Variants in IFI16 observed in about 807,000 individuals in gnomAD.
The protein encoded by IFI16 is interferon gamma inducible protein 16.
Under a neutral mutation model 68.4 loss-of-function variants are expected in IFI16, and 49 were observed. The ratio of observed to expected loss-of-function variants is 0.72; its 90% CI spans 0.57 to 0.91. The LOEUF is 0.91. Ranked by LOEUF, IFI16 falls within the 40% of genes least tolerant of loss-of-function variation. The pLI, the probability that IFI16 is intolerant of heterozygous loss-of-function variation, is 0.00. For synonymous variants in IFI16, 307 were observed against 315.0 expected (o/e 0.97, Z 0.27); for missense variants, 878 against 942.9 (o/e 0.93, Z 0.90).
intron 1 of IFI16, among the ~76,000 whole-genome samples, chr1:159,012,525 T>C (rs1358615094): frequency 6.6e-6 from 1 of 152,236 alleles, no homozygotes; most frequent in East Asian, 1.9e-4. Context: ...CAAATCTGGT[T>C]TTATTTTGCA....
At chr1:159,011,860 G>C (rs138236987) in intron 1 of IFI16, among the ~76,000 whole-genome samples, 2 of 152,090 alleles carry the variant, frequency 1.3e-5, no homozygotes, top group African/African-American at 4.8e-5. Context: ...AGACCTTTTA[G>C]GTATATGCTG....
intron 6 of IFI16, among the ~76,000 whole-genome samples, chr1:159,025,008 T>G (rs1386210522): frequency 1.3e-5 from 2 of 152,138 alleles, no homozygotes; most frequent in African/African-American, 2.4e-5. Flanking sequence ...TTTTTTAATC[T>G]TTTTTCATCT....
intron 1 of IFI16, among the ~76,000 whole-genome samples, chr1:159,010,632 T>G (rs1466312286): frequency 1.3e-5 from 2 of 152,140 alleles, no homozygotes; most frequent in Non-Finnish European, 2.9e-5. Flanking sequence ...TAAGAACAAA[T>G]GTACACAGAG....
At chr1:159,029,133 C>T (rs937734463) in intron 6 of IFI16, among the ~76,000 whole-genome samples, 3 of 152,056 alleles carry the variant, frequency 2.0e-5, no homozygotes, top group Non-Finnish European at 2.9e-5. Flanking sequence ...TGGTGTATTT[C>T]GAGGATTCAT....
At chr1:159,007,656 G>A (rs1042406220), upstream of IFI16, among the ~76,000 whole-genome samples, 1 of 151,938 alleles carries the variant, frequency 6.6e-6, no homozygotes, top group African/African-American at 2.4e-5. Flanking sequence ...TATGAGGGTG[G>A]GGTCCTCATA....
intron 10 of IFI16, 151 bp downstream of exon 10, chr1:159,052,249 C>A (rs1458580722): frequency 9.7e-6 from 6 of 615,736 alleles, no homozygotes; most frequent in African/African-American, 7.4e-5. Context: ...GAATAGAGTT[C>A]ATTTCAGGAT....
upstream of IFI16, among the ~76,000 whole-genome samples, chr1:159,008,461 T>C (rs1464202490): frequency 2.6e-5 from 4 of 152,212 alleles, no homozygotes; most frequent in Non-Finnish European, 5.9e-5. Flanking sequence ...TTGTCCTGAG[T>C]TGCCCTTATA....
intron 6 of IFI16, among the ~76,000 whole-genome samples, chr1:159,022,374 T>C (rs930121182): frequency 6.6e-6 from 1 of 152,222 alleles, no homozygotes; most frequent in Non-Finnish European, 1.5e-5. Context: ...GCCATTTTTA[T>C]ACTTTTTGTA....
At position 159,016,359 on chromosome 1, in the gene IFI16, G is replaced by T. The variant is rs576664238; in HGVS notation, c.382-174G>T. On this transcript the variant is annotated intron_variant, in intron 3 of 11. Transcript: ENST00000295809. ...GTGTATAACATTCTCCTCTTTCTTC[G>T]TTTAATGAAACCATCTATGCCCATC... Among the ~76,000 whole-genome samples, 5 of 152,226 alleles carry T rather than the reference G, an allele frequency of 3.3e-5. No individual in the cohort carries two copies. In the South Asian group the frequency reaches 8.3e-4, roughly 25 times the overall value.
intron 8 of IFI16, among the ~76,000 whole-genome samples, chr1:159,047,177 A>G (rs2793844): frequency 0.79 from 120,033 of 150,990 alleles, 49,294 homozygotes; most frequent in Admixed American, 0.9. Flanking sequence ...GCCCCAAGCT[A>G]CCCCCGGCCC....
chr1:159,044,606 C>T (rs1016727710), intron 7 of IFI16, among the ~76,000 whole-genome samples: 3 of 152,062 alleles, frequency 2.0e-5, no homozygotes, highest in African/African-American at 7.2e-5. Context: ...TTTGGACTTC[C>T]ATTGGTTTAA....
chr1:159,041,089 G>A (rs1405322772), intron 7 of IFI16, among the ~76,000 whole-genome samples: 1 of 152,202 alleles, frequency 6.6e-6, no homozygotes, highest in Non-Finnish European at 1.5e-5. Context: ...GGCTCCTGCA[G>A]CCCTCTCACC....
chr1:159,026,552 G>T (rs995742351), intron 6 of IFI16, among the ~76,000 whole-genome samples: 15 of 151,998 alleles, frequency 9.9e-5, no homozygotes, highest in Admixed American at 9.8e-4. Flanking sequence ...ACCTGGCTTG[G>T]CCTCCCAAAG....
chr1:159,028,245 G>C (rs138165028), intron 6 of IFI16, among the ~76,000 whole-genome samples: 111 of 152,116 alleles, frequency 7.3e-4, no homozygotes, highest in Admixed American at 3.4e-3. Context: ...GAATTTTTTA[G>C]TTTCCATTTT....
At chr1:159,042,085 T>G (rs1228061339) in intron 7 of IFI16, among the ~76,000 whole-genome samples, 6 of 152,198 alleles carry the variant, frequency 3.9e-5, no homozygotes, top group African/African-American at 1.4e-4. Flanking sequence ...ATCATATGTC[T>G]TCTACCTCCG....
At chr1:159,026,512 TG>T (rs1317679593) in intron 6 of IFI16, among the ~76,000 whole-genome samples, 2 of 152,162 alleles carry the variant, frequency 1.3e-5, no homozygotes, top group Non-Finnish European at 2.9e-5. Flanking sequence ...CTGGCCAGGC[TG>T]GTCTCAAACT....
chr1:159,013,362 G>A (rs1652705290), intron 1 of IFI16, among the ~76,000 whole-genome samples: 1 of 151,684 alleles, frequency 6.6e-6, no homozygotes. Context: ...TGGAAACGAG[G>A]TCTCACTGTG....
intron 9 of IFI16, among the ~76,000 whole-genome samples, chr1:159,050,697 T>A (rs1655299996): frequency 6.6e-6 from 1 of 152,088 alleles, no homozygotes; most frequent in Admixed American, 6.5e-5. Context: ...CAAGTCAAAG[T>A]GCTCTCCTAC....
Position 159,016,741 on chromosome 1 carries a change from C to A in IFI16, c.549+41C>A, listed in dbSNP as rs771608190. On this transcript the variant is annotated intron_variant, in intron 4 of 11. Coordinates refer to ENST00000295809, the MANE Select transcript of IFI16 (RefSeq NM_001376587.1). ...TCCCATTTTGCTTTGTTTTTTTCAA[C>A]CCAAAGTAAAGGACTGATTTCACCG... 2.6e-6 allele frequency: 4 copies of A among 1,565,112 alleles called. No individual in the cohort carries two copies. The Admixed American group carries it at 5.4e-5, about 21-fold the overall frequency.
Sources: gnomAD v4.1 joint callset for allele counts (sites outside exome capture counted in the v4.1 genomes callset) on GRCh38, gnomAD v4.1.1 for gene constraint, MANE v1.5 for transcripts, NCBI Gene and HGNC (gene_info 2026-07-23, HGNC 2026-07-21) for gene names.